SOX9: variants seen among roughly 807,000 people sequenced by gnomAD.
The protein encoded by SOX9 is transcription factor SOX-9.
In SOX9, 2 loss-of-function variants were observed where a neutral mutation model predicts 44.8. The observed-to-expected ratio is 0.04, with a 90% confidence interval of 0.02 to 0.14. The LOEUF (loss-of-function observed/expected upper bound fraction) is 0.14, where lower values mean the gene tolerates loss of function less well. SOX9 is among the 10% of genes least tolerant of loss of function. The pLI is 1.00. For missense variants in SOX9, 583 were observed against 728.6 expected (o/e 0.80, Z 2.30); for synonymous variants, 381 against 331.8 (o/e 1.15, Z -1.61).
rs1908283062 is a variant in SOX9 at position 72,126,331 on chromosome 17, C to T, written c.*1944C>T. 1 of 231,122 alleles carries T rather than the reference C, an allele frequency of 4.3e-6. No homozygotes were observed. Among genetic ancestry groups the T allele is most frequent in the African/African-American group, 2.2e-5 (1 of 44,754 alleles). The allele number at this position is 231,122 out of a possible 1,614,324, so 14.3% of individuals were successfully genotyped here. A position where few individuals can be genotyped will look rare whatever the true frequency, so the allele number is the denominator to read the frequency against. ...CTCCCAGCCCCAAACCTTTTGTTCT[C>T]TCCGTGAAACTTACCTTTCCCTTTT... On this transcript the variant is annotated 3_prime_UTR_variant, in exon 3 of 3. Transcript: ENST00000245479.
rs951842321 is a variant in SOX9 at position 72,123,084 on chromosome 17, A to G, written c.685+112A>G. On this transcript the variant is annotated intron_variant, in intron 2 of 2. Coordinates refer to ENST00000245479, the MANE Select transcript of SOX9 (RefSeq NM_000346.4). This position sits in a 1 kb window ranked among gnomAD's most constrained non-coding sequence, Gnocchi z 6.5. Reference sequence around the variant, plus strand: ...GGACTTTATGCTTCCCGGGAGGGACACACTGCCCTTTGCGCCCGTCCCGCT... The same window carrying G: ...GGACTTTATGCTTCCCGGGAGGGACGCACTGCCCTTTGCGCCCGTCCCGCT... The G allele has an allele frequency of 6.6e-5, 90 of 1,373,888 alleles. No homozygotes were observed. Among genetic ancestry groups the G allele is most frequent in the Non-Finnish European group, 8.5e-5 (84 of 992,252 alleles). The allele number at this position is 1,373,888 out of a possible 1,614,324, so 85.1% of individuals were successfully genotyped here.
rs1908078374 is a variant in SOX9 at position 72,121,275 on chromosome 17, G to A, written c.-117G>A. 1.1e-6 allele frequency: 1 copy of A among 936,268 alleles called. No individual in the cohort carries two copies. Among genetic ancestry groups the A allele is most frequent in the African/African-American group, 1.6e-5 (1 of 60,656 alleles). 58.0% of individuals were successfully genotyped at this position (936,268 alleles called of 1,614,324 possible). On this transcript the variant is annotated 5_prime_UTR_variant, in exon 1 of 3. Coordinates refer to ENST00000245479, the MANE Select transcript of SOX9 (RefSeq NM_000346.4). The surrounding 1 kb of genome is among the most constrained non-coding windows in gnomAD (Gnocchi z 8.3). ...GCCGGCCGACGCGCCAGCTTCCCCG[G>A]GAGCCGCTTGCTCCGCATCCGGGCA...
Position 72,123,774 on chromosome 17 carries a change from T to C in SOX9, c.917T>C (p.Val306Ala), listed in dbSNP as rs2143252324. The C allele has an allele frequency of 1.2e-5, 19 of 1,612,918 alleles. No individual in the cohort carries two copies. Among genetic ancestry groups the C allele is most frequent in the Non-Finnish European group, 1.6e-5 (19 of 1,179,842 alleles). ...QYLPPNGHPG[V>A]PATHGQVTYT... ...CTGCCGCCCAACGGCCACCCGGGGG[T>C]GCCGGCCACGCACGGCCAGGTCACC... The change falls in exon 3 of 3, where the codon GTG becomes GCG. Residue 306 changes from valine to alanine, a missense_variant. Transcript: ENST00000245479. The surrounding 1 kb of genome is among the most constrained non-coding windows in gnomAD (Gnocchi z 6.5).
Position 72,121,117 on chromosome 17 carries a change from G to T in SOX9, c.-275G>T. ...GAAACTTTTCTTTGCAGGAGGAGAA[G>T]AGAAGGGGTGCAAGCGCCCCCACTT... On this transcript the variant is annotated 5_prime_UTR_variant, in exon 1 of 3. Coordinates refer to ENST00000245479, the MANE Select transcript of SOX9 (RefSeq NM_000346.4). This position sits in a 1 kb window ranked among gnomAD's most constrained non-coding sequence, Gnocchi z 8.3. 1.8e-6 allele frequency: 1 copy of T among 561,986 alleles called. No individual in the cohort carries two copies. Among genetic ancestry groups the T allele is most frequent in the South Asian group, 2.3e-5 (1 of 44,010 alleles). 34.8% of individuals were successfully genotyped at this position (561,986 alleles called of 1,614,324 possible). A position where few individuals can be genotyped will look rare whatever the true frequency, so the allele number is the denominator to read the frequency against.
In SOX9 at chr17:72,122,582, G is replaced by A. The variant is rs191619615; in HGVS notation, c.432-137G>A. Reference sequence around the variant, plus strand: ...AGTTATGAGCTGTGGTTGCAGGCAGGAGGGAAGATGGAGTTGTGTGCAGAG... The same window carrying A: ...AGTTATGAGCTGTGGTTGCAGGCAGAAGGGAAGATGGAGTTGTGTGCAGAG... On this transcript the variant is annotated intron_variant, in intron 1 of 2. Transcript: ENST00000245479. 2,395 of 711,634 alleles carry A rather than the reference G, an allele frequency of 3.4e-3. 10 individuals are homozygous for A. Among genetic ancestry groups the A allele is most frequent in the Non-Finnish European group, 5.0e-3 (2,027 of 408,886 alleles). 44.1% of individuals were successfully genotyped at this position (711,634 alleles called of 1,614,324 possible).
Position 72,124,340 on chromosome 17 carries a change from C to A in SOX9, c.1483C>A (p.Pro495Thr), listed in dbSNP as rs1908216299. 1 of 1,601,968 alleles carries A rather than the reference C, an allele frequency of 6.2e-7. No homozygotes were observed. The highest frequency in any genetic ancestry group is 1.3e-5 in the African/African-American group (1 of 74,902). Residue 495 changes from proline to threonine, a missense_variant, in exon 3 of 3, where the codon CCC (proline) becomes ACC (threonine). Physicochemically the swap from Pro to Thr is conservative, Grantham distance 38. This residue lies in a region of SOX9 where 349 missense variants were observed against 387.0 expected (regional missense o/e 0.90). Coordinates refer to ENST00000245479, the MANE Select transcript of SOX9 (RefSeq NM_000346.4). This position sits in a 1 kb window ranked among gnomAD's most constrained non-coding sequence, Gnocchi z 4.6. Reference sequence around the variant, plus strand: ...CCCTTCCATCCCGCAGACCCACAGCCCCCAGCACTGGGAACAACCCGTCTA... The same window carrying A: ...CCCTTCCATCCCGCAGACCCACAGCACCCAGCACTGGGAACAACCCGTCTA... ...GVPSIPQTHS[P>T]QHWEQPVYTQ...
In SOX9 at chr17:72,123,844, G is replaced by C. The variant is rs200484258; in HGVS notation, c.987G>C (p.Ala329=). 2 of 1,598,094 alleles carry C rather than the reference G, an allele frequency of 1.3e-6. No homozygotes were observed. Among genetic ancestry groups the C allele is most frequent in the African/African-American group, 1.3e-5 (1 of 74,624 alleles). ...TCAGCAGCACCGCGGCCACCCCGGC[G>C]AGCGCGGGCCACGTGTGGATGTCCA... is the stretch of plus-strand genomic sequence containing the variant. ...YGISSTAATP[A]SAGHVWMSKQ... is the part of the protein sequence containing the mutation. Residue 329 remains alanine, a synonymous_variant, in exon 3 of 3, where the codon GCG becomes GCC. Transcript: ENST00000245479. The surrounding 1 kb of genome is among the most constrained non-coding windows in gnomAD (Gnocchi z 6.5).
Position 72,121,499 on chromosome 17 carries a change from G to A in SOX9, c.108G>A (p.Pro36=), listed in dbSNP as rs1360944332. 1 of 1,610,150 alleles carries A rather than the reference G, an allele frequency of 6.2e-7. No individual in the cohort carries two copies. Among genetic ancestry groups the A allele is most frequent in the South Asian group, 1.1e-5 (1 of 90,306 alleles). Residue 36 remains proline (P), a synonymous_variant, in exon 1 of 3, where the codon CCG becomes CCA. Transcript: ENST00000245479. The surrounding 1 kb of genome is among the most constrained non-coding windows in gnomAD (Gnocchi z 8.3). Reference sequence around the variant, plus strand: ...AGGACTCCGCGGGCTCGCCCTGCCCGTCGGGCTCCGGCTCGGACACCGAGA... The same window carrying A: ...AGGACTCCGCGGGCTCGCCCTGCCCATCGGGCTCCGGCTCGGACACCGAGA... The part of the protein sequence containing the change: ...MSEDSAGSPC[P]SGSGSDTENT...
Position 72,123,973 on chromosome 17 carries a change from A to AC in SOX9, c.1121dup (p.Gln375AlafsTer203). 6.8e-7 allele frequency: 1 copy of AC among 1,480,198 alleles called. No individual in the cohort carries two copies. Among genetic ancestry groups the AC allele is most frequent in the South Asian group, 1.5e-5 (1 of 68,900 alleles). The allele number at this position is 1,480,198 out of a possible 1,614,324, so 91.7% of individuals were successfully genotyped here. On this transcript the variant is annotated frameshift_variant, in exon 3 of 3. Coordinates refer to ENST00000245479, the MANE Select transcript of SOX9 (RefSeq NM_000346.4). LOFTEE classifies it high-confidence loss of function. The surrounding 1 kb of genome is among the most constrained non-coding windows in gnomAD (Gnocchi z 6.5). Reference sequence around the variant, plus strand: ...CGGCGCCCCCACAGCAGCCGGCGGCACCCCCGCAGCAGCCACAGGCGCACA... The same window carrying AC: ...CGGCGCCCCCACAGCAGCCGGCGGCACCCCCCGCAGCAGCCACAGGCGCACA...
rs1290533393 is a variant in SOX9 at position 72,121,832 on chromosome 17, G to A, written c.431+10G>A. On this transcript the variant is annotated intron_variant, in intron 1 of 2. Coordinates refer to ENST00000245479, the MANE Select transcript of SOX9 (RefSeq NM_000346.4). The surrounding 1 kb of genome is among the most constrained non-coding windows in gnomAD (Gnocchi z 8.3). Reference sequence around the variant, plus strand: ...TGGGCAAGCTCTGGAGGTAGGACCCGGCGGGGGCGGCGCGGCAGGGTGGGC... The same window carrying A: ...TGGGCAAGCTCTGGAGGTAGGACCCAGCGGGGGCGGCGCGGCAGGGTGGGC... The A allele has an allele frequency of 1.3e-6, 2 of 1,548,448 alleles. No individual in the cohort carries two copies. The highest frequency in any genetic ancestry group is 1.7e-6 in the Non-Finnish European group (2 of 1,147,110).
rs2143236601 is a variant in SOX9, at chr17:72,121,448, C to T, written c.57C>T (p.Ser19=). ...KMTDEQEKGL[S]GAPSPTMSED... Reference sequence around the variant, plus strand: ...CCGACGAGCAGGAGAAGGGCCTGTCCGGCGCCCCCAGCCCCACCATGTCCG... The same window carrying T: ...CCGACGAGCAGGAGAAGGGCCTGTCTGGCGCCCCCAGCCCCACCATGTCCG... The change falls in exon 1 of 3, where the codon TCC becomes TCT. Residue 19 remains serine, a synonymous_variant. Transcript: ENST00000245479. The surrounding 1 kb of genome is among the most constrained non-coding windows in gnomAD (Gnocchi z 8.3). 2 of 1,612,884 alleles carry T rather than the reference C, an allele frequency of 1.2e-6. No homozygotes were observed. The highest frequency in any genetic ancestry group is 2.2e-5 in the East Asian group (1 of 44,850).
rs777735151 is a variant in SOX9, at chr17:72,123,857, G to T, written c.1000G>T (p.Val334Leu). The T allele has an allele frequency of 8.2e-6, 13 of 1,582,192 alleles. No homozygotes were observed. Among genetic ancestry groups the T allele is most frequent in the Non-Finnish European group, 1.1e-5 (13 of 1,165,588 alleles). ...TAATPASAGH[V>L]WMSKQQAPPP... ...GGCCACCCCGGCGAGCGCGGGCCAC[G>T]TGTGGATGTCCAAGCAGCAGGCGCC... The change falls in exon 3 of 3, where the codon GTG becomes TTG. Residue 334 changes from valine (V) to leucine (L), a missense_variant. By Grantham distance (32) the Val-to-Leu change is conservative. Around this residue, in one of 7 missense-constraint regions of SOX9, gnomAD observed 349 missense variants for 387.0 expected, o/e 0.90. Coordinates refer to ENST00000245479, the MANE Select transcript of SOX9 (RefSeq NM_000346.4). The surrounding 1 kb of genome is among the most constrained non-coding windows in gnomAD (Gnocchi z 6.5).
At position 72,124,786 on chromosome 17, in the gene SOX9, T is replaced by G; in HGVS notation, c.*399T>G. On this transcript the variant is annotated 3_prime_UTR_variant, in exon 3 of 3. Transcript: ENST00000245479. This position sits in a 1 kb window ranked among gnomAD's most constrained non-coding sequence, Gnocchi z 4.6. ...TTGTAATTATTTTTTTAGCAGTAAT[T>G]AAAGAAAAAAGTCCTCTGTGAGGAA... 2.7e-6 allele frequency: 1 copy of G among 374,870 alleles called. No individual in the cohort carries two copies. Among genetic ancestry groups the G allele is most frequent in the Non-Finnish European group, 4.9e-6 (1 of 202,854 alleles). 23.2% of individuals were successfully genotyped at this position (374,870 alleles called of 1,614,324 possible). A position where few individuals can be genotyped will look rare whatever the true frequency, so the allele number is the denominator to read the frequency against.
At position 72,121,846 on chromosome 17, in the gene SOX9, G is replaced by C. The variant is rs1425499534; in HGVS notation, c.431+24G>C. ...AGGTAGGACCCGGCGGGGGCGGCGC[G>C]GCAGGGTGGGCATCGCGGCGGCTGG... On this transcript the variant is annotated intron_variant, in intron 1 of 2. Transcript: ENST00000245479. This position sits in a 1 kb window ranked among gnomAD's most constrained non-coding sequence, Gnocchi z 8.3. 8 of 1,528,272 alleles carry C rather than the reference G, an allele frequency of 5.2e-6. No homozygotes were observed. The Admixed American group carries it at 6.2e-5, about 12-fold the overall frequency. 94.7% of individuals were successfully genotyped at this position (1,528,272 alleles called of 1,614,324 possible).
chr17:72,124,469 T>C lies in SOX9; in HGVS notation c.*82T>C, dbSNP rs2143260094. 2.0e-6 allele frequency: 3 copies of C among 1,482,710 alleles called. No individual in the cohort carries two copies. Among genetic ancestry groups the C allele is most frequent in the Non-Finnish European group, 2.8e-6 (3 of 1,074,112 alleles). 91.8% of individuals were successfully genotyped at this position (1,482,710 alleles called of 1,614,324 possible). ...AAGAGAGGACCAACCAGAATTCCCTTTGGACATTTGTGTTTTTTTGTTTTT... is the reference window on the plus strand; with the variant it reads ...AAGAGAGGACCAACCAGAATTCCCTCTGGACATTTGTGTTTTTTTGTTTTT... On this transcript the variant is annotated 3_prime_UTR_variant, in exon 3 of 3. Coordinates refer to ENST00000245479, the MANE Select transcript of SOX9 (RefSeq NM_000346.4). This position sits in a 1 kb window ranked among gnomAD's most constrained non-coding sequence, Gnocchi z 4.6.
Position 72,125,893 on chromosome 17 carries a change from T to C in SOX9, c.*1506T>C, listed in dbSNP as rs1470935696. 8.6e-6 allele frequency: 2 copies of C among 232,518 alleles called. No individual in the cohort carries two copies. The highest frequency in any genetic ancestry group is 1.7e-5 in the Non-Finnish European group (2 of 117,448). The allele number at this position is 232,518 out of a possible 1,614,324, so 14.4% of individuals were successfully genotyped here. A position where few individuals can be genotyped will look rare whatever the true frequency, so the allele number is the denominator to read the frequency against. On this transcript the variant is annotated 3_prime_UTR_variant, in exon 3 of 3. Coordinates refer to ENST00000245479, the MANE Select transcript of SOX9 (RefSeq NM_000346.4). ...TGCCACAGACCTTTGGGCTGCCTTATATTGTGTGTGTGTGTGGGTGTGTGT... is the reference window on the plus strand; with the variant it reads ...TGCCACAGACCTTTGGGCTGCCTTACATTGTGTGTGTGTGTGGGTGTGTGT...
Position 72,121,881 on chromosome 17 carries a change from T to G in SOX9, c.431+59T>G, listed in dbSNP as rs948377252. On this transcript the variant is annotated intron_variant, in intron 1 of 2. Coordinates refer to ENST00000245479, the MANE Select transcript of SOX9 (RefSeq NM_000346.4). The surrounding 1 kb of genome is among the most constrained non-coding windows in gnomAD (Gnocchi z 8.3). ...GCATCGCGGCGGCTGGGGGCGCTGG[T>G]CAGGGCTGATTTGCCCCGCCCCGCC... 6.7e-7 allele frequency: 1 copy of G among 1,483,308 alleles called. No homozygotes were observed. The highest frequency in any genetic ancestry group is 1.4e-5 in the South Asian group (1 of 72,664). 91.9% of individuals were successfully genotyped at this position (1,483,308 alleles called of 1,614,324 possible).
Position 72,121,362 on chromosome 17 carries a change from G to A in SOX9, c.-30G>A, listed in dbSNP as rs754074799. On this transcript the variant is annotated 5_prime_UTR_variant, in exon 1 of 3. Coordinates refer to ENST00000245479, the MANE Select transcript of SOX9 (RefSeq NM_000346.4). This position sits in a 1 kb window ranked among gnomAD's most constrained non-coding sequence, Gnocchi z 8.3. ...GCCGCCGCGGCTTCTCGCCTTTCCC[G>A]GCCACCAGCCCCCTGCCCCGGGCCC... is the stretch of plus-strand genomic sequence containing the variant. 2 of 1,604,930 alleles carry A rather than the reference G, an allele frequency of 1.2e-6. No homozygotes were observed. The highest frequency in any genetic ancestry group is 1.7e-6 in the Non-Finnish European group (2 of 1,174,032).
Position 72,124,064 on chromosome 17 carries a change from A to AGCCCCAGCCACTACAGCGAGCTTT in SOX9, c.1228_1229insTTTGCCCCAGCCACTACAGCGAGC (p.Glu409_Gln410insLeuCysProSerHisTyrSerGlu). ...AACGCACATCAAGACGGAGCAGCTG[A>AGCCCCAGCCACTACAGCGAGCTTT]GCCCCAGCCACTACAGCGAGCAGCA... On this transcript the variant is annotated inframe_insertion, in exon 3 of 3. Transcript: ENST00000245479. This position sits in a 1 kb window ranked among gnomAD's most constrained non-coding sequence, Gnocchi z 4.6. 1 of 1,613,140 alleles carries AGCCCCAGCCACTACAGCGAGCTTT rather than the reference A, an allele frequency of 6.2e-7. No individual in the cohort carries two copies. Among genetic ancestry groups the AGCCCCAGCCACTACAGCGAGCTTT allele is most frequent in the Non-Finnish European group, 8.5e-7 (1 of 1,179,648 alleles).
Sources: gnomAD v4.1 joint callset for allele counts on GRCh38, gnomAD v4.1.1 for gene constraint, gnomAD v4.1.1 regional missense constraint, Gnocchi (gnomAD v3.1) non-coding constraint, MANE v1.5 for transcripts, NCBI Gene and HGNC (gene_info 2026-07-23, HGNC 2026-07-21) for gene names.